The following SSBP2 variants were observed in gnomAD, a reference collection of about 807,000 sequenced individuals.
The protein encoded by SSBP2 is single-stranded DNA-binding protein 2.
Under a neutral mutation model 61.8 loss-of-function variants are expected in SSBP2, and 17 were observed. The ratio of observed to expected loss-of-function variants is 0.28; its 90% CI spans 0.19 to 0.41. The LOEUF (loss-of-function observed/expected upper bound fraction) is 0.41, where lower values mean the gene tolerates loss of function less well. Ranked by LOEUF, SSBP2 falls within the 10% of genes least tolerant of loss-of-function variation. The pLI is 1.00. For synonymous variants in SSBP2, 139 were observed against 141.3 expected (o/e 0.98, Z 0.12); for missense variants, 310 against 458.7 (o/e 0.68, Z 2.96).
At chr5:81,736,168 ACACACACACACACACACACACT>A (rs1256208181) in intron 1 of SSBP2, among the ~76,000 whole-genome samples, 24 of 133,116 alleles carry the variant, frequency 1.8e-4, no homozygotes, top group African/African-American at 5.8e-4. Context: ...ACACACACAC[ACACACACACACACACACACACT>A]CTACGGCACT....
chr5:81,748,191 C>T (rs1290692658), intron 1 of SSBP2, among the ~76,000 whole-genome samples: 1 of 152,100 alleles, frequency 6.6e-6, no homozygotes, highest in South Asian at 2.1e-4. Context: ...CCTAAGCATG[C>T]TATTATTTAT....
chr5:81,586,858 T>C (rs1225995870), intron 4 of SSBP2, among the ~76,000 whole-genome samples: 1 of 151,976 alleles, frequency 6.6e-6, no homozygotes, highest in African/African-American at 2.4e-5. Flanking sequence ...TTCTGGTATA[T>C]ACTAGATAGA....
At chr5:81,683,960 C>T (rs1299807285) in intron 1 of SSBP2, among the ~76,000 whole-genome samples, 1 of 152,120 alleles carries the variant, frequency 6.6e-6, no homozygotes, top group Non-Finnish European at 1.5e-5. Context: ...CAAATGCTGA[C>T]AAAAATGTGA....
chr5:81,552,135 T>C (rs1242575935), intron 4 of SSBP2, among the ~76,000 whole-genome samples: 2 of 152,190 alleles, frequency 1.3e-5, no homozygotes, highest in Admixed American at 1.3e-4. Flanking sequence ...TTAGTGAGTA[T>C]ATGAATATTT....
intron 5 of SSBP2, among the ~76,000 whole-genome samples, chr5:81,491,669 T>C (rs1453602259): frequency 2.6e-5 from 4 of 152,110 alleles, no homozygotes; most frequent in African/African-American, 7.2e-5. Context: ...TTATTACTCT[T>C]ATATGTCCTC....
At chr5:81,698,542 T>G (rs999300374) in intron 1 of SSBP2, among the ~76,000 whole-genome samples, 23 of 152,214 alleles carry the variant, frequency 1.5e-4, no homozygotes, top group Non-Finnish European at 8.8e-5. Flanking sequence ...CCACGTGCGG[T>G]GGCTCACGCC....
intron 1 of SSBP2, among the ~76,000 whole-genome samples, chr5:81,683,300 C>T (rs1042491776): frequency 6.6e-6 from 1 of 152,018 alleles, no homozygotes; most frequent in Non-Finnish European, 1.5e-5. Context: ...ATCAGTGGAA[C>T]AGAATAAAGA....
Position 81,751,034 on chromosome 5 carries a change from G to T in SSBP2, c.9C>A (p.Gly3=). Reference sequence around the variant, plus strand: ...CGGCGCTGCTGTTACTCTTGCCTTTGCCGTACATGCTTGTGCCGAGAGCAG... The same window carrying T: ...CGGCGCTGCTGTTACTCTTGCCTTTTCCGTACATGCTTGTGCCGAGAGCAG... Residue 3 remains glycine (G), a synonymous_variant, in exon 1 of 17, where the codon GGC becomes GGA. Transcript: ENST00000320672. The T allele has an allele frequency of 6.3e-7, 1 of 1,597,232 alleles. No homozygotes were observed. The highest frequency in any genetic ancestry group is 1.1e-5 in the South Asian group (1 of 88,210).
chr5:81,567,655 T>C (rs1256431908), intron 4 of SSBP2, among the ~76,000 whole-genome samples: 1 of 152,110 alleles, frequency 6.6e-6, no homozygotes, highest in Non-Finnish European at 1.5e-5. Flanking sequence ...CACCCACAGC[T>C]TGCACTGTGC....
intron 1 of SSBP2, among the ~76,000 whole-genome samples, chr5:81,688,880 A>C (rs1753011346): frequency 6.6e-6 from 1 of 152,126 alleles, no homozygotes; most frequent in South Asian, 2.1e-4. Context: ...AAACTAAATA[A>C]GCCTCCAGAG....
chr5:81,492,030 T>C (rs1320132490), intron 5 of SSBP2, among the ~76,000 whole-genome samples: 2 of 152,228 alleles, frequency 1.3e-5, no homozygotes, highest in Admixed American at 1.3e-4. Context: ...CACTAGTATC[T>C]GTACTTCACT....
At chr5:81,667,405 C>A (rs1751239774) in intron 1 of SSBP2, among the ~76,000 whole-genome samples, 1 of 151,568 alleles carries the variant, frequency 6.6e-6, no homozygotes, top group African/African-American at 2.4e-5. Flanking sequence ...GGCTGGAAAA[C>A]CACTGACTAC....
intron 3 of SSBP2, among the ~76,000 whole-genome samples, chr5:81,633,168 T>C (rs1747895136): frequency 7.5e-6 from 1 of 132,714 alleles, no homozygotes; most frequent in Non-Finnish European, 1.5e-5. Context: ...TAGGCTGGAG[T>C]GCAGTGGCAT....
intron 4 of SSBP2, among the ~76,000 whole-genome samples, chr5:81,581,126 CAATT>C (rs1280477980): frequency 5.9e-5 from 9 of 152,100 alleles, no homozygotes; most frequent in African/African-American, 2.2e-4. Flanking sequence ...TGATAGGCAA[CAATT>C]AATTACAATT....
Position 81,725,989 on chromosome 5 carries a change from C to A in SSBP2, c.62+24992G>T, listed in dbSNP as rs530449985. On this transcript the variant is annotated intron_variant, in intron 1 of 16. Transcript: ENST00000320672. ...GAAAAAAGAAACAGAAGATCTTTAG[C>A]ACAATATAATTTATATAAATTAAAA... is the stretch of plus-strand genomic sequence containing the variant. Among the ~76,000 whole-genome samples the A allele has an allele frequency of 5.9e-5, 9 of 152,102 alleles. No homozygotes were observed. The East Asian group carries it at 1.7e-3, about 29-fold the overall frequency.
At chr5:81,464,252 C>G (rs1764743583) in intron 9 of SSBP2, among the ~76,000 whole-genome samples, 1 of 152,136 alleles carries the variant, frequency 6.6e-6, no homozygotes, top group Non-Finnish European at 1.5e-5. Flanking sequence ...ATACTAAATC[C>G]TAAATTCTTT....
chr5:81,429,113 A>G (rs1280907028), intron 15 of SSBP2, among the ~76,000 whole-genome samples: 1 of 152,190 alleles, frequency 6.6e-6, no homozygotes, highest in Non-Finnish European at 1.5e-5. Flanking sequence ...TTTAATAAAC[A>G]TTTCCTTTTA....
At chr5:81,559,460 C>G (rs925878351) in intron 4 of SSBP2, among the ~76,000 whole-genome samples, 3 of 150,868 alleles carry the variant, frequency 2.0e-5, no homozygotes, top group African/African-American at 7.3e-5. Flanking sequence ...GAGGCTGAGG[C>G]AGGAGAATAA....
At chr5:81,641,496 C>A (rs1748782166) in intron 2 of SSBP2, among the ~76,000 whole-genome samples, 1 of 152,130 alleles carries the variant, frequency 6.6e-6, no homozygotes, top group South Asian at 2.1e-4. Flanking sequence ...ATAAAATCCA[C>A]CCTTTTATAG....
Sources: gnomAD v4.1 joint callset for allele counts (sites outside exome capture counted in the v4.1 genomes callset) on GRCh38, gnomAD v4.1.1 for gene constraint, MANE v1.5 for transcripts, NCBI Gene and HGNC (gene_info 2026-07-23, HGNC 2026-07-21) for gene names.